The following SPATA17 variants were observed in gnomAD, a reference collection of about 807,000 sequenced individuals.
The protein encoded by SPATA17 is spermatogenesis associated 17.
SPATA17 carries 53 observed loss-of-function variants against 62.2 expected under a neutral mutation model. That is an observed-to-expected ratio of 0.85 (90% confidence interval 0.68 to 1.07). The LOEUF is 1.07. Among genes scored for constraint, SPATA17 ranks in the 50% least tolerant of loss-of-function variants. SPATA17 has a pLI of 0.00. For missense variants in SPATA17, 466 were observed against 425.5 expected, an observed-to-expected ratio of 1.10 and a Z score of -0.84; for synonymous variants, 146 against 146.8, an observed-to-expected ratio of 0.99 and a Z score of 0.04.
intron 5 of SPATA17, among the ~76,000 whole-genome samples, chr1:217,733,830 A>AT (rs1388842870): frequency 6.6e-6 from 1 of 152,186 alleles, no homozygotes. Context: ...TTTCAACTCT[A>AT]TATTTCAGAA....
intron 9 of SPATA17, among the ~76,000 whole-genome samples, chr1:217,841,878 T>C (rs1675412346): frequency 2.0e-5 from 3 of 151,220 alleles, no homozygotes; most frequent in African/African-American, 7.3e-5. Flanking sequence ...TATAACCATA[T>C]AATATGTATA....
chr1:217,677,622 T>A (rs922189337), intron 4 of SPATA17, among the ~76,000 whole-genome samples: 1 of 152,140 alleles, frequency 6.6e-6, no homozygotes, highest in Non-Finnish European at 1.5e-5. Flanking sequence ...GAAGGGGCCA[T>A]CTGGACAACA....
intron 3 of SPATA17, among the ~76,000 whole-genome samples, chr1:217,666,609 A>T (rs1670702257): frequency 6.6e-6 from 1 of 152,078 alleles, no homozygotes; most frequent in Non-Finnish European, 1.5e-5. Context: ...TAACTGTATT[A>T]TTCAGTAGCA....
At chr1:217,707,980 T>C (rs932920790) in intron 5 of SPATA17, among the ~76,000 whole-genome samples, 1 of 152,170 alleles carries the variant, frequency 6.6e-6, no homozygotes, top group African/African-American at 2.4e-5. Flanking sequence ...AAATTAAGGC[T>C]GGAATCAAGG....
intron 2 of SPATA17, among the ~76,000 whole-genome samples, chr1:217,650,609 A>T (rs1405097188): frequency 6.6e-6 from 1 of 151,924 alleles, no homozygotes; most frequent in South Asian, 2.1e-4. Flanking sequence ...TAGTAGAGAC[A>T]GGGGCGGTTT....
chr1:217,723,369 G>A (rs1004815766), intron 5 of SPATA17, among the ~76,000 whole-genome samples: 16 of 152,018 alleles, frequency 1.1e-4, no homozygotes, highest in Non-Finnish European at 2.4e-4. Context: ...TAAAAGATTT[G>A]TTTCTATCCT....
chr1:217,825,661 T>C (rs1674983440), intron 9 of SPATA17, among the ~76,000 whole-genome samples: 1 of 152,022 alleles, frequency 6.6e-6, no homozygotes, highest in Non-Finnish European at 1.5e-5. Flanking sequence ...TATTATTGGA[T>C]TTTAGGATAT....
rs148396010 is a variant in SPATA17 at position 217,850,643 on chromosome 1, T to C, written c.1006-12131T>C. 9.8e-3 allele frequency: 15,507 copies of C among 1,578,568 alleles called. 107 individuals are homozygous for C. The highest frequency in any genetic ancestry group is 0.027 in the Middle Eastern group (162 of 5,904). On this transcript the variant is annotated intron_variant, in intron 9 of 10. Transcript: ENST00000366933. ...TCACGAAGATCTGCATTTTGACCTG[T>C]TAGCAGATACGAGGATGCTGCGAAT...
At chr1:217,687,208 A>T (rs1671236687) in intron 5 of SPATA17, among the ~76,000 whole-genome samples, 1 of 152,130 alleles carries the variant, frequency 6.6e-6, no homozygotes, top group African/African-American at 2.4e-5. Context: ...TTCCATGTAT[A>T]ATATTGTCCA....
At chr1:217,749,981 C>CTA (rs1248987599) in intron 6 of SPATA17, among the ~76,000 whole-genome samples, 329 of 26,852 alleles carry the variant, frequency 0.012, 1 homozygote, top group Middle Eastern at 0.017. Context: ...CTCTCTCTCT[C>CTA]TCTCTATATA....
intron 5 of SPATA17, among the ~76,000 whole-genome samples, chr1:217,719,484 C>T (rs550602784): frequency 1.3e-5 from 2 of 152,214 alleles, no homozygotes; most frequent in Admixed American, 6.5e-5. Context: ...AAATTAAATA[C>T]AGTAACAGAT....
intron 6 of SPATA17, among the ~76,000 whole-genome samples, chr1:217,759,185 A>G (rs1326350814): frequency 6.6e-6 from 1 of 152,174 alleles, no homozygotes; most frequent in Admixed American, 6.5e-5. Context: ...GAAGCTGGGC[A>G]TGGTGGCTCA....
chr1:217,863,431 T>G (rs2103017172), intron 10 of SPATA17, among the ~76,000 whole-genome samples: 1 of 152,228 alleles, frequency 6.6e-6, no homozygotes, highest in Non-Finnish European at 1.5e-5. Flanking sequence ...TGCGCGGCCC[T>G]TAGATACCCT....
chr1:217,782,219 C>A lies in SPATA17; in HGVS notation c.769C>A (p.Pro257Thr), dbSNP rs1436042431. 5.6e-6 allele frequency: 9 copies of A among 1,612,710 alleles called. 1 individual carries two copies. The South Asian group carries it at 7.7e-5, about 14-fold the overall frequency. ...CGAAGTATTAGAACAACGCTACAGG[C>A]CTTTGGAGCCAACGTTGCGGGTGGC... ...ITEVLEQRYR[P>T]LEPTLRVAEP... Residue 257 changes from proline to threonine, a missense_variant, in exon 8 of 11, where the codon CCT becomes ACT. By Grantham distance (38) the Pro-to-Thr change is conservative. Coordinates refer to ENST00000366933, the MANE Select transcript of SPATA17 (RefSeq NM_138796.4).
chr1:217,805,109 G>A (rs1298948100), intron 9 of SPATA17, among the ~76,000 whole-genome samples: 1 of 152,112 alleles, frequency 6.6e-6, no homozygotes, highest in African/African-American at 2.4e-5. Context: ...TTTCAAAATC[G>A]CCAAGATATG....
chr1:217,812,303 T>C (rs935013257), intron 9 of SPATA17, among the ~76,000 whole-genome samples: 15 of 152,302 alleles, frequency 9.8e-5, no homozygotes, highest in African/African-American at 3.4e-4. Flanking sequence ...ATGTATCAAA[T>C]ATTATTTAAA....
chr1:217,801,616 G>A, intron 8 of SPATA17, 102 bp from the exon 9 acceptor site: 2 of 871,484 alleles, frequency 2.3e-6, no homozygotes, highest in Non-Finnish European at 3.3e-6. Context: ...TCTAAATCTT[G>A]TATCATTTTC....
Position 217,683,238 on chromosome 1 carries a change from C to G in SPATA17, c.292-20C>G. 3 of 1,521,074 alleles carry G rather than the reference C, an allele frequency of 2.0e-6. No individual in the cohort carries two copies. The highest frequency in any genetic ancestry group is 1.9e-5 in the Admixed American group (1 of 52,872). The allele number at this position is 1,521,074 out of a possible 1,614,324, so 94.2% of individuals were successfully genotyped here. On this transcript the variant is annotated intron_variant, in intron 4 of 10. Transcript: ENST00000366933. ...AAAAGTGTTTAATGGCATATTTTAT[C>G]TCTTTATTTACTTTAATAGATTCAG...
intron 5 of SPATA17, among the ~76,000 whole-genome samples, chr1:217,713,701 CTGTGTGTA>C (rs1182949639): frequency 6.6e-6 from 1 of 152,138 alleles, no homozygotes; most frequent in Admixed American, 6.6e-5. Flanking sequence ...CTGGCATTCT[CTGTGTGTA>C]TGTGTTAAAG....
Sources: gnomAD v4.1 joint callset for allele counts (sites outside exome capture counted in the v4.1 genomes callset) on GRCh38, gnomAD v4.1.1 for gene constraint, MANE v1.5 for transcripts, NCBI Gene and HGNC (gene_info 2026-07-23, HGNC 2026-07-21) for gene names.